NRXN3: variants seen among roughly 807,000 people sequenced by gnomAD.
NRXN3 encodes the protein neurexin 3, also known as neurexin III.
In NRXN3, 32 loss-of-function variants were observed where a neutral mutation model predicts 137.6. The ratio of observed to expected loss-of-function variants is 0.23; its 90% confidence interval spans 0.18 to 0.31. The LOEUF (loss-of-function observed/expected upper bound fraction) is 0.31, where lower values mean the gene tolerates loss of function less well. Ranked by LOEUF, NRXN3 falls within the 10% of genes least tolerant of loss-of-function variation. The probability of loss-of-function intolerance (pLI) is 1.00; values close to 1 mark genes in which losing one functional copy is unlikely to be tolerated. For synonymous variants in NRXN3, 798 were observed against 784.5 expected (o/e 1.02, Z -0.29); for missense variants, 1,574 against 2,062.5 (o/e 0.76, Z 4.59).
At chr14:79,415,119 T>C (rs1192821182) in intron 15 of NRXN3, among the ~76,000 whole-genome samples, 1 of 152,182 alleles carries the variant, frequency 6.6e-6, no homozygotes, top group Non-Finnish European at 1.5e-5. Context: ...ACACATTTTC[T>C]TTGTCCATTC....
chr14:78,599,513 C>G (rs1403941755), intron 4 of NRXN3, among the ~76,000 whole-genome samples: 1 of 152,194 alleles, frequency 6.6e-6, no homozygotes, highest in Non-Finnish European at 1.5e-5. Context: ...ATAGATAGTT[C>G]TACAAAATCC....
At chr14:79,586,374 AAC>A (rs2097765426) in intron 16 of NRXN3, among the ~76,000 whole-genome samples, 1 of 152,210 alleles carries the variant, frequency 6.6e-6, no homozygotes, top group African/African-American at 2.4e-5. Flanking sequence ...TCTTTTAAGT[AAC>A]AGGTTTGGTT....
chr14:79,450,342 AC>A lies in NRXN3; in HGVS notation c.3263-16878del, dbSNP rs2096145732. On this transcript the variant is annotated intron_variant, in intron 15 of 20. Coordinates refer to ENST00000335750, the MANE Select transcript of NRXN3 (RefSeq NM_001330195.2). Reference sequence around the variant, plus strand: ...GTACAAAATTTCAGTTAGGAGAAATACATTTTTGAGATCTATTGCATAGCAT... The same window carrying A: ...GTACAAAATTTCAGTTAGGAGAAATAATTTTTGAGATCTATTGCATAGCAT... Among the ~76,000 whole-genome samples, 3 of 152,292 alleles carry A rather than the reference AC, an allele frequency of 2.0e-5. No homozygotes were observed. The East Asian group carries it at 5.8e-4, about 29-fold the overall frequency.
Position 78,593,063 on chromosome 14 carries a change from C to T in NRXN3, c.758-52057C>T, listed in dbSNP as rs116353908. Among the ~76,000 whole-genome samples, 587 of 152,296 alleles carry T rather than the reference C, an allele frequency of 3.9e-3. 2 individuals carry two copies. Among genetic ancestry groups the T allele is most frequent in the African/African-American group, 0.014 (564 of 41,556 alleles). Reference sequence around the variant, plus strand: ...CTGATTTTGCTCCTCATTAGTATTTCTCCACTGTGTTCTCTGACCACACTT... The same window carrying T: ...CTGATTTTGCTCCTCATTAGTATTTTTCCACTGTGTTCTCTGACCACACTT... On this transcript the variant is annotated intron_variant, in intron 4 of 20. Transcript: ENST00000335750.
chr14:78,656,095 C>T (rs560810834), intron 6 of NRXN3, among the ~76,000 whole-genome samples: 11 of 152,248 alleles, frequency 7.2e-5, no homozygotes, highest in African/African-American at 2.6e-4. Flanking sequence ...AGAACACAAA[C>T]ATTCAGTGCA....
intron 20 of NRXN3, among the ~76,000 whole-genome samples, chr14:79,860,135 A>T (rs1267241912): frequency 6.6e-6 from 1 of 152,172 alleles, no homozygotes; most frequent in South Asian, 2.1e-4. Context: ...AGTCTGTATG[A>T]TTCTAAGTGC....
intron 15 of NRXN3, among the ~76,000 whole-genome samples, chr14:79,380,932 T>C (rs896001048): frequency 2.0e-5 from 3 of 152,064 alleles, no homozygotes; most frequent in Non-Finnish European, 2.9e-5. Flanking sequence ...TGCCATTTTC[T>C]CCTTGAGGCT....
chr14:78,264,657 G>A (rs1291418113), intron 2 of NRXN3, among the ~76,000 whole-genome samples: 2 of 152,172 alleles, frequency 1.3e-5, no homozygotes, highest in Non-Finnish European at 2.9e-5. Flanking sequence ...GAGCATGAAA[G>A]TGGTCTGTTT....
intron 17 of NRXN3, among the ~76,000 whole-genome samples, chr14:79,673,873 T>C (rs1419502056): frequency 2.0e-5 from 3 of 152,062 alleles, no homozygotes; most frequent in African/African-American, 7.2e-5. Flanking sequence ...GGGTAGATAT[T>C]ACTGTTATCA....
intron 15 of NRXN3, among the ~76,000 whole-genome samples, chr14:79,375,690 C>T (rs1196122633): frequency 2.6e-5 from 4 of 152,120 alleles, no homozygotes; most frequent in Non-Finnish European, 2.9e-5. Flanking sequence ...CACACAGCCC[C>T]ATTTTAACCA....
chr14:78,263,604 A>G (rs2071157278), intron 2 of NRXN3, among the ~76,000 whole-genome samples: 2 of 152,154 alleles, frequency 1.3e-5, no homozygotes, highest in Admixed American at 6.5e-5. Context: ...TTACTGAATT[A>G]TTTTTAACAA....
chr14:79,810,338 T>G (rs1460538933), intron 20 of NRXN3, among the ~76,000 whole-genome samples: 1 of 152,180 alleles, frequency 6.6e-6, no homozygotes, highest in Non-Finnish European at 1.5e-5. Flanking sequence ...TTCTTAAATG[T>G]CCTTTGATCA....
intron 15 of NRXN3, among the ~76,000 whole-genome samples, chr14:79,064,769 G>A (rs1568164867): frequency 7.1e-6 from 1 of 141,078 alleles, no homozygotes; most frequent in African/African-American, 2.6e-5. Flanking sequence ...CCATATATAT[G>A]TATGTGTGTA....
At chr14:79,384,251 G>T (rs2094544128) in intron 15 of NRXN3, among the ~76,000 whole-genome samples, 1 of 152,140 alleles carries the variant, frequency 6.6e-6, no homozygotes, top group African/African-American at 2.4e-5. Flanking sequence ...TGTTGGAGAG[G>T]GAGGTGGGGG....
chr14:79,001,429 C>T (rs76832499), intron 15 of NRXN3, among the ~76,000 whole-genome samples: 16,106 of 152,192 alleles, frequency 0.11, 967 homozygotes, highest in Middle Eastern at 0.16. Context: ...AGCTGTCCCT[C>T]GAACCACATT....
At chr14:78,731,695 C>A in intron 8 of NRXN3, among the ~76,000 whole-genome samples, 1 of 148,632 alleles carries the variant, frequency 6.7e-6, no homozygotes, top group African/African-American at 2.5e-5. Flanking sequence ...ATATTCTATT[C>A]TATATATATA....
At chr14:78,350,939 A>G (rs529962306) in intron 4 of NRXN3, among the ~76,000 whole-genome samples, 2 of 151,390 alleles carry the variant, frequency 1.3e-5, no homozygotes, top group Non-Finnish European at 2.9e-5. Context: ...TTTACATTGT[A>G]TCTTATGTAC....
At chr14:78,964,294 C>T (rs2099413473) in intron 11 of NRXN3, among the ~76,000 whole-genome samples, 1 of 152,148 alleles carries the variant, frequency 6.6e-6, no homozygotes, top group South Asian at 2.1e-4. Flanking sequence ...AATAATATTG[C>T]TTACACCCAC....
chr14:78,755,305 G>A (rs1278505332), intron 8 of NRXN3, among the ~76,000 whole-genome samples: 1 of 151,812 alleles, frequency 6.6e-6, no homozygotes, highest in African/African-American at 2.4e-5. Flanking sequence ...GGGATTACAG[G>A]TGTGAGCCAC....
Sources: gnomAD v4.1 joint callset for allele counts (sites outside exome capture counted in the v4.1 genomes callset) on GRCh38, gnomAD v4.1.1 for gene constraint, MANE v1.5 for transcripts, NCBI Gene and HGNC (gene_info 2026-07-23, HGNC 2026-07-21) for gene names.